TDRD7: variants seen among roughly 807,000 people sequenced by gnomAD.
TDRD7 encodes tudor domain-containing protein 7.
Under a neutral mutation model 109.8 loss-of-function variants are expected in TDRD7, and 47 were observed. The ratio of observed to expected loss-of-function variants is 0.43; its 90% CI spans 0.34 to 0.55. TDRD7 has a LOEUF of 0.55. Among genes scored for constraint, TDRD7 ranks in the 20% least tolerant of loss-of-function variants. TDRD7 has a pLI of 0.03. For synonymous variants in TDRD7, 424 were observed against 457.3 expected (o/e 0.93, Z 0.93); for missense variants, 1,164 against 1,319.2 (o/e 0.88, Z 1.82).
chr9:97,474,801 C>T (rs536217401), intron 11 of TDRD7, among the ~76,000 whole-genome samples: 8 of 152,268 alleles, frequency 5.3e-5, no homozygotes, highest in Admixed American at 1.3e-4. Flanking sequence ...AGTAGAAACA[C>T]ACACCCTGAA....
chr9:97,493,424 A>G (rs879788094), intron 16 of TDRD7, among the ~76,000 whole-genome samples: 49 of 152,206 alleles, frequency 3.2e-4, no homozygotes, highest in Admixed American at 3.1e-3. Context: ...AAGGGGAGAG[A>G]GTGTACAAAT....
intron 16 of TDRD7, among the ~76,000 whole-genome samples, chr9:97,494,780 G>A (rs977538824): frequency 2.0e-5 from 3 of 149,838 alleles, no homozygotes; most frequent in Non-Finnish European, 1.5e-5. Context: ...ATGCAGTCAC[G>A]GCTCACTGCA....
intron 6 of TDRD7, among the ~76,000 whole-genome samples, chr9:97,456,408 A>G (rs747946019): frequency 4.6e-5 from 7 of 152,360 alleles, no homozygotes; most frequent in South Asian, 2.1e-4. Context: ...GCATCACACT[A>G]TCTGACTTCA....
chr9:97,469,945 C>T (rs1384356973), intron 8 of TDRD7, among the ~76,000 whole-genome samples: 1 of 151,892 alleles, frequency 6.6e-6, no homozygotes, highest in Non-Finnish European at 1.5e-5. Context: ...CAGCTTCACA[C>T]CCTTGAAAAA....
chr9:97,491,629 A>G (rs1468328007), intron 16 of TDRD7, among the ~76,000 whole-genome samples: 2 of 152,188 alleles, frequency 1.3e-5, no homozygotes, highest in East Asian at 1.9e-4. Flanking sequence ...GAACTTCACC[A>G]GTGCTTCTTG....
chr9:97,487,711 A>G (rs999386499), intron 16 of TDRD7, among the ~76,000 whole-genome samples: 1 of 152,012 alleles, frequency 6.6e-6, no homozygotes, highest in Admixed American at 6.6e-5. Flanking sequence ...CAAAAATTCT[A>G]TCTAATCAAT....
At chr9:97,421,801 C>T (rs943759444) in intron 1 of TDRD7, among the ~76,000 whole-genome samples, 1 of 151,300 alleles carries the variant, frequency 6.6e-6, no homozygotes, top group Non-Finnish European at 1.5e-5. Context: ...GCTCAGGTGA[C>T]CCATGTGCCT....
At chr9:97,469,009 A>T (rs1828867255) in intron 8 of TDRD7, among the ~76,000 whole-genome samples, 1 of 152,208 alleles carries the variant, frequency 6.6e-6, no homozygotes, top group African/African-American at 2.4e-5. Flanking sequence ...AGAAGCTACA[A>T]ACAGTTCAGA....
In TDRD7 at chr9:97,460,738, G is replaced by A; in HGVS notation, c.1416G>A (p.Leu472=). The change falls in exon 7 of 17, where the codon CTG becomes CTA. Residue 472 remains leucine (L), a synonymous_variant. Coordinates refer to ENST00000355295, the MANE Select transcript of TDRD7 (RefSeq NM_014290.3). The part of the protein sequence containing the change: ...EASPSVLVVE[L]SNTNEVVIRY... ...CACCATCTGTATTGGTGGTTGAACTGAGCAACACAAATGAAGTGGTTATCA... is the reference window on the plus strand; with the variant it reads ...CACCATCTGTATTGGTGGTTGAACTAAGCAACACAAATGAAGTGGTTATCA... 6.2e-7 allele frequency: 1 copy of A among 1,614,134 alleles called. No individual in the cohort carries two copies. The highest frequency in any genetic ancestry group is 8.5e-7 in the Non-Finnish European group (1 of 1,180,000).
intron 11 of TDRD7, 59 bp from the exon 12 acceptor site, chr9:97,475,324 G>C: frequency 1.4e-5 from 19 of 1,327,282 alleles, no homozygotes; most frequent in Non-Finnish European, 2.1e-5. Context: ...TTTTCTAATG[G>C]TGTAGCAATA....
intron 4 of TDRD7, among the ~76,000 whole-genome samples, chr9:97,432,543 G>A (rs11999505): frequency 0.072 from 10,964 of 151,992 alleles, 630 homozygotes; most frequent in African/African-American, 0.16. Flanking sequence ...TTTTTTTAAC[G>A]ATTTTGTGGG....
intron 13 of TDRD7, 128 bp from the exon 14 acceptor site, chr9:97,480,700 G>A (rs1488403052): frequency 3.9e-6 from 3 of 771,650 alleles, no homozygotes; most frequent in African/African-American, 3.4e-5. Flanking sequence ...TGTGATTGTC[G>A]TTATTAGCTG....
chr9:97,460,668 T>A lies in TDRD7; in HGVS notation c.1346T>A (p.Met449Lys). ...ESIAESANTFMEDITVPPLMI... is the reference protein window; with the variant it reads ...ESIAESANTFKEDITVPPLMI... ...ATTGCTGAAAGTGCTAATACCTTTA[T>A]GGAGGACATAACAGTTCCTCCTTTA... The change falls in exon 7 of 17, where the codon ATG becomes AAG. Residue 449 changes from methionine (M) to lysine (K), a missense_variant. Coordinates refer to ENST00000355295, the MANE Select transcript of TDRD7 (RefSeq NM_014290.3). The A allele has an allele frequency of 1.9e-6, 3 of 1,614,148 alleles. No individual in the cohort carries two copies. The highest frequency in any genetic ancestry group is 1.7e-6 in the Non-Finnish European group (2 of 1,179,972).
chr9:97,468,401 G>A (rs1828854032), intron 8 of TDRD7, among the ~76,000 whole-genome samples: 1 of 152,212 alleles, frequency 6.6e-6, no homozygotes, highest in South Asian at 2.1e-4. Flanking sequence ...CGTCATTGCT[G>A]CTGAGAATTA....
chr9:97,488,638 T>G (rs1413320585), intron 16 of TDRD7, among the ~76,000 whole-genome samples: 7 of 151,966 alleles, frequency 4.6e-5, no homozygotes, highest in Non-Finnish European at 7.4e-5. Flanking sequence ...ATGTGACAGT[T>G]ATACTCCCCA....
chr9:97,476,399 T>C (rs2131169379), intron 12 of TDRD7, among the ~76,000 whole-genome samples: 1 of 152,236 alleles, frequency 6.6e-6, no homozygotes, highest in African/African-American at 2.4e-5. Context: ...AGGCAAGTTT[T>C]GGATTTTTGT....
chr9:97,463,117 A>G (rs1828756489), intron 7 of TDRD7, among the ~76,000 whole-genome samples: 1 of 152,204 alleles, frequency 6.6e-6, no homozygotes, highest in African/African-American at 2.4e-5. Context: ...AAAGCTCAAT[A>G]CATTTAAATG....
At chr9:97,491,629 A>C (rs1468328007) in intron 16 of TDRD7, among the ~76,000 whole-genome samples, 1 of 152,188 alleles carries the variant, frequency 6.6e-6, no homozygotes, top group Admixed American at 6.5e-5. Flanking sequence ...GAACTTCACC[A>C]GTGCTTCTTG....
Position 97,476,394 on chromosome 9 carries a change from A to G in TDRD7, c.2166+925A>G, listed in dbSNP as rs75230616. On this transcript the variant is annotated intron_variant, in intron 12 of 16. Coordinates refer to ENST00000355295, the MANE Select transcript of TDRD7 (RefSeq NM_014290.3). ...GTTTCTATATGTTTTTAAAAAGGCA[A>G]GTTTTGGATTTTTGTGATTGCTTTC... Among the ~76,000 whole-genome samples, 1,250 of 152,098 alleles carry G rather than the reference A, an allele frequency of 8.2e-3. 42 individuals are homozygous for G. The East Asian group carries it at 0.11, about 13-fold the overall frequency.
Sources: gnomAD v4.1 joint callset for allele counts (sites outside exome capture counted in the v4.1 genomes callset) on GRCh38, gnomAD v4.1.1 for gene constraint, MANE v1.5 for transcripts, NCBI Gene and HGNC (gene_info 2026-07-23, HGNC 2026-07-21) for gene names.